Variants in LOXHD1 observed in about 807,000 individuals in gnomAD.
The protein encoded by LOXHD1 is lipoxygenase homology PLAT domains 1, also known as lipoxygenase homology domain-containing protein 1.
In LOXHD1, 205 loss-of-function variants were observed where a neutral mutation model predicts 248.2. The observed-to-expected ratio is 0.83, with a 90% CI of 0.74 to 0.93. The LOEUF is 0.93. Ranked by LOEUF, LOXHD1 falls within the 40% of genes least tolerant of loss-of-function variation. LOXHD1 has a pLI of 0.00. For missense variants in LOXHD1, 2,930 were observed against 2,971.6 expected (o/e 0.99, Z 0.33); for synonymous variants, 1,113 against 1,162.8 (o/e 0.96, Z 0.87).
intron 36 of LOXHD1, among the ~76,000 whole-genome samples, chr18:46,506,556 G>T (rs2143900096): frequency 6.6e-6 from 1 of 152,320 alleles, no homozygotes; most frequent in Middle Eastern, 3.4e-3. Flanking sequence ...CACATCTGTG[G>T]TTATCAATGA....
At chr18:46,484,198 G>T (rs2032842052) in intron 39 of LOXHD1, among the ~76,000 whole-genome samples, 1 of 152,164 alleles carries the variant, frequency 6.6e-6, no homozygotes, top group African/African-American at 2.4e-5. Context: ...CAGGCAGCCT[G>T]TGGGGGTAAG....
At chr18:46,606,620 T>C (rs1168443609) in intron 6 of LOXHD1, among the ~76,000 whole-genome samples, 1 of 152,216 alleles carries the variant, frequency 6.6e-6, no homozygotes, top group African/African-American at 2.4e-5. Flanking sequence ...CATCCCAAGA[T>C]ATCTCATTAT....
chr18:46,555,190 G>T (rs768940868), intron 21 of LOXHD1: 8 of 470,834 alleles, frequency 1.7e-5, no homozygotes, highest in Non-Finnish European at 2.6e-5. Context: ...TGGTTCTGTG[G>T]CACTTTTTCC....
At chr18:46,534,493 C>A in intron 26 of LOXHD1, 42 bp from the exon 27 acceptor site, 2 of 1,477,312 alleles carry the variant, frequency 1.4e-6, no homozygotes, top group Non-Finnish European at 1.9e-6. Context: ...GCTGAAAGAT[C>A]CAGGAAAGTA....
intron 1 of LOXHD1, among the ~76,000 whole-genome samples, chr18:46,652,797 T>C (rs1319047660): frequency 1.3e-5 from 2 of 152,070 alleles, no homozygotes; most frequent in Non-Finnish European, 2.9e-5. Flanking sequence ...TCATTGACAA[T>C]GGAATGGCTA....
At chr18:46,522,010 C>G in intron 32 of LOXHD1, 91 bp downstream of exon 32, 27 of 726,088 alleles carry the variant, frequency 3.7e-5, no homozygotes, top group East Asian at 7.2e-5. Flanking sequence ...GGCTGTTCTT[C>G]CCACCCTGCA....
intron 29 of LOXHD1, among the ~76,000 whole-genome samples, chr18:46,527,870 A>G (rs1339797169): frequency 6.6e-6 from 1 of 152,222 alleles, no homozygotes; most frequent in Non-Finnish European, 1.5e-5. Context: ...TTCCTGCTTC[A>G]GATGCAGTAA....
chr18:46,619,446 A>G (rs1163322672), intron 4 of LOXHD1, among the ~76,000 whole-genome samples: 2 of 152,084 alleles, frequency 1.3e-5, no homozygotes, highest in African/African-American at 4.8e-5. Context: ...GTTGTTTGCC[A>G]TTTCCTGCAA....
intron 12 of LOXHD1, among the ~76,000 whole-genome samples, chr18:46,585,354 A>G (rs1032682956): frequency 1.3e-5 from 2 of 152,212 alleles, no homozygotes; most frequent in Non-Finnish European, 2.9e-5. Flanking sequence ...GTTGTAGAGT[A>G]CAAGATCAAT....
intron 37 of LOXHD1, among the ~76,000 whole-genome samples, chr18:46,500,758 C>G (rs908887307): frequency 6.6e-6 from 1 of 152,082 alleles, no homozygotes; most frequent in African/African-American, 2.4e-5. Context: ...CTGGATTTTT[C>G]TTTAATTTTG....
At position 46,604,101 on chromosome 18, in the gene LOXHD1, T is replaced by A; in HGVS notation, c.883+5A>T. 6.4e-7 allele frequency: 1 copy of A among 1,551,720 alleles called. No individual in the cohort carries two copies. The highest frequency in any genetic ancestry group is 8.7e-7 in the Non-Finnish European group (1 of 1,146,966). On this transcript the variant is annotated splice_donor_5th_base_variant and intron_variant, in intron 7 of 40. Coordinates refer to ENST00000642948, the MANE Select transcript of LOXHD1 (RefSeq NM_001384474.1). Reference sequence around the variant, plus strand: ...CAAAAGAGCCTCCCCTTTCTTCAAATCTACCTGTGGTCTCAGCTCCGCCCA... The same window carrying A: ...CAAAAGAGCCTCCCCTTTCTTCAAAACTACCTGTGGTCTCAGCTCCGCCCA...
chr18:46,566,717 G>A (rs897447681), intron 16 of LOXHD1, among the ~76,000 whole-genome samples: 1 of 152,202 alleles, frequency 6.6e-6, no homozygotes, highest in African/African-American at 2.4e-5. Context: ...AACAAGAGGG[G>A]AGTGGAGGTG....
chr18:46,620,681 A>C (rs1382850336), intron 4 of LOXHD1, among the ~76,000 whole-genome samples: 1 of 152,168 alleles, frequency 6.6e-6, no homozygotes. Flanking sequence ...ACATTGGTGG[A>C]GAGCCACCTG....
chr18:46,500,945 G>A (rs1313276101), intron 37 of LOXHD1, among the ~76,000 whole-genome samples: 5 of 152,054 alleles, frequency 3.3e-5, no homozygotes, highest in African/African-American at 9.7e-5. Flanking sequence ...TGAGTCCTCG[G>A]ACTAGCATCC....
At chr18:46,640,098 T>A (rs1184919593) in intron 3 of LOXHD1, among the ~76,000 whole-genome samples, 2 of 152,186 alleles carry the variant, frequency 1.3e-5, no homozygotes, top group African/African-American at 4.8e-5. Flanking sequence ...TCTTCCCCTT[T>A]GAGGTCCTGG....
chr18:46,575,858 A>G lies in LOXHD1; in HGVS notation c.1970+1849T>C, dbSNP rs375958444. ...TCCCCTCCTCCCTGGGCCCTGTCCT[A>G]TCCCCAGAGGCCAGACAGGCCTTCC... On this transcript the variant is annotated intron_variant, in intron 14 of 40. Coordinates refer to ENST00000642948, the MANE Select transcript of LOXHD1 (RefSeq NM_001384474.1). Among the ~76,000 whole-genome samples the G allele has an allele frequency of 2.0e-5, 3 of 152,250 alleles. No homozygotes were observed. The East Asian group carries it at 5.8e-4, about 29-fold the overall frequency.
chr18:46,507,596 C>G lies in LOXHD1; in HGVS notation c.5634G>C (p.Glu1878Asp). ...AGGAGGTCCACTCCATCATTTCTTC[C>G]TCATCGATAACGGCACACATTTCAC... The part of the protein sequence containing the change: ...LVCEMCAVID[E>D]EEMMEWTSYT... The change falls in exon 36 of 41, where the codon GAG (glutamate) becomes GAC (aspartate). Residue 1878 changes from glutamate to aspartate, a missense_variant. Transcript: ENST00000642948. The G allele has an allele frequency of 6.4e-7, 1 of 1,551,772 alleles. No individual in the cohort carries two copies. The highest frequency in any genetic ancestry group is 8.7e-7 in the Non-Finnish European group (1 of 1,147,006).
chr18:46,540,042 A>C (rs1034487427), intron 25 of LOXHD1, among the ~76,000 whole-genome samples: 1 of 152,250 alleles, frequency 6.6e-6, no homozygotes, highest in Non-Finnish European at 1.5e-5. Context: ...GACTTCCTAC[A>C]TGTCAGACTC....
chr18:46,559,961 T>C, intron 19 of LOXHD1, 122 bp downstream of exon 19: 1 of 1,023,510 alleles, frequency 9.8e-7, no homozygotes, highest in Non-Finnish European at 1.4e-6. Context: ...GGAACCATGA[T>C]GGGTGCCCAC....
Sources: gnomAD v4.1 joint callset for allele counts (sites outside exome capture counted in the v4.1 genomes callset) on GRCh38, gnomAD v4.1.1 for gene constraint, MANE v1.5 for transcripts, NCBI Gene and HGNC (gene_info 2026-07-23, HGNC 2026-07-21) for gene names.